Variants in PARM1 observed in about 807,000 individuals in gnomAD.
PARM1 encodes the protein WSC4, cell wall integrity and stress response component 4 homolog.
Under a neutral mutation model 24.6 loss-of-function variants are expected in PARM1, and 14 were observed. The ratio of observed to expected loss-of-function variants is 0.57; its 90% CI spans 0.38 to 0.89. The LOEUF is 0.89. Ranked by LOEUF, PARM1 falls within the 40% of genes least tolerant of loss-of-function variation. The pLI, the probability that PARM1 is intolerant of heterozygous loss-of-function variation, is 0.00. For synonymous variants in PARM1, 179 were observed against 156.6 expected, an observed-to-expected ratio of 1.14 and a Z score of -1.07; for missense variants, 362 against 380.4, an observed-to-expected ratio of 0.95 and a Z score of 0.40.
At chr4:75,012,161 C>T (rs1722882303) in intron 1 of PARM1, among the ~76,000 whole-genome samples, 1 of 152,186 alleles carries the variant, frequency 6.6e-6, no homozygotes. Flanking sequence ...AAGATTAGTT[C>T]ATACCATGCA....
chr4:74,938,215 A>G (rs1249530147), intron 1 of PARM1, among the ~76,000 whole-genome samples: 2 of 152,228 alleles, frequency 1.3e-5, no homozygotes, highest in African/African-American at 4.8e-5. Flanking sequence ...GTCAAATATT[A>G]TACTGTTTAA....
At position 75,013,872 on chromosome 4, in the gene PARM1, A is replaced by T. The variant is rs183908147; in HGVS notation, c.769+722A>T. 5.4e-3 allele frequency among the ~76,000 whole-genome samples: 816 copies of T among 152,332 alleles called. 2 individuals are homozygous for T. Among genetic ancestry groups the T allele is most frequent in the Non-Finnish European group, 9.0e-3 (614 of 68,024 alleles). Reference sequence around the variant, plus strand: ...ATCTTGGAAATTATGGTGGAGAGAAATCAAGGGCCCTTTCTGAGGTCACCT... The same window carrying T: ...ATCTTGGAAATTATGGTGGAGAGAATTCAAGGGCCCTTTCTGAGGTCACCT... On this transcript the variant is annotated intron_variant, in intron 2 of 3. Coordinates refer to ENST00000307428, the MANE Select transcript of PARM1 (RefSeq NM_015393.4).
chr4:74,979,100 C>A (rs1436877575), intron 1 of PARM1, among the ~76,000 whole-genome samples: 1 of 151,506 alleles, frequency 6.6e-6, no homozygotes, highest in African/African-American at 2.4e-5. Context: ...TAAGAAACAA[C>A]CAAGATCAGA....
At chr4:75,014,043 A>C (rs1722931582) in intron 2 of PARM1, among the ~76,000 whole-genome samples, 1 of 152,164 alleles carries the variant, frequency 6.6e-6, no homozygotes, top group South Asian at 2.1e-4. Flanking sequence ...ATGGAGCTGC[A>C]GCCCCTCCCC....
At chr4:74,972,813 C>T (rs1371273868) in intron 1 of PARM1, among the ~76,000 whole-genome samples, 3 of 152,192 alleles carry the variant, frequency 2.0e-5, no homozygotes, top group Non-Finnish European at 1.5e-5. Flanking sequence ...TGTCATCTTG[C>T]TGATGCCTCA....
chr4:75,018,587 CT>C (rs2109798987), intron 2 of PARM1, among the ~76,000 whole-genome samples: 1 of 152,252 alleles, frequency 6.6e-6, no homozygotes, highest in East Asian at 1.9e-4. Context: ...CTCTCAGGTC[CT>C]TTTGGCTTTT....
At chr4:75,020,750 G>A (rs1723075148) in intron 2 of PARM1, among the ~76,000 whole-genome samples, 1 of 152,106 alleles carries the variant, frequency 6.6e-6, no homozygotes, top group Non-Finnish European at 1.5e-5. Context: ...TTCCATGAGC[G>A]CCTGTGTCTC....
intron 1 of PARM1, among the ~76,000 whole-genome samples, chr4:74,937,737 C>T (rs1014712470): frequency 2.0e-5 from 3 of 152,190 alleles, no homozygotes; most frequent in African/African-American, 7.2e-5. Flanking sequence ...TCTCCAAAAG[C>T]AGAGTTTATG....
chr4:74,944,559 G>A (rs1334392601), intron 1 of PARM1, among the ~76,000 whole-genome samples: 3 of 152,032 alleles, frequency 2.0e-5, no homozygotes, highest in Non-Finnish European at 4.4e-5. Flanking sequence ...CTTCTCCCAT[G>A]GGAGTCACCA....
intron 1 of PARM1, among the ~76,000 whole-genome samples, chr4:74,961,069 A>G (rs34185792): frequency 1.3e-5 from 2 of 152,090 alleles, no homozygotes; most frequent in South Asian, 2.1e-4. Flanking sequence ...GAAACAATGT[A>G]TGAACAAAAC....
At chr4:74,935,284 C>T (rs1355808309) in intron 1 of PARM1, among the ~76,000 whole-genome samples, 1 of 152,104 alleles carries the variant, frequency 6.6e-6, no homozygotes, top group Non-Finnish European at 1.5e-5. Context: ...CACTGCATTC[C>T]CCCTGAAGTT....
At chr4:74,938,793 T>C (rs1478209029) in intron 1 of PARM1, among the ~76,000 whole-genome samples, 1 of 152,224 alleles carries the variant, frequency 6.6e-6, no homozygotes, top group African/African-American at 2.4e-5. Flanking sequence ...TCACTTGTTT[T>C]AACATGGCTT....
chr4:75,014,050 C>A (rs562116877), intron 2 of PARM1, among the ~76,000 whole-genome samples: 1 of 152,128 alleles, frequency 6.6e-6, no homozygotes, highest in African/African-American at 2.4e-5. Context: ...TGCAGCCCCT[C>A]CCCTGGGTGG....
intron 1 of PARM1, among the ~76,000 whole-genome samples, chr4:74,933,783 G>C (rs552005964): frequency 1.3e-5 from 2 of 152,300 alleles, no homozygotes; most frequent in South Asian, 2.1e-4. Context: ...CCGGGGAAGT[G>C]GGGGTGGGAG....
intron 1 of PARM1, among the ~76,000 whole-genome samples, chr4:74,946,107 C>A (rs1211548209): frequency 2.0e-5 from 3 of 152,220 alleles, no homozygotes; most frequent in Admixed American, 2.0e-4. Flanking sequence ...TCCTCTCACA[C>A]TCTAGAAAGT....
At chr4:75,017,441 A>G (rs1429503049) in intron 2 of PARM1, among the ~76,000 whole-genome samples, 1 of 151,900 alleles carries the variant, frequency 6.6e-6, no homozygotes, top group Non-Finnish European at 1.5e-5. Flanking sequence ...CATCCCCCCT[A>G]TCTAGAACAT....
chr4:74,945,999 A>G (rs1414065634), intron 1 of PARM1, among the ~76,000 whole-genome samples: 1 of 152,214 alleles, frequency 6.6e-6, no homozygotes, highest in African/African-American at 2.4e-5. Flanking sequence ...CACATTATAG[A>G]TAAAACTAGA....
chr4:74,971,015 A>G (rs1722022688), intron 1 of PARM1, among the ~76,000 whole-genome samples: 1 of 152,248 alleles, frequency 6.6e-6, no homozygotes, highest in African/African-American at 2.4e-5. Flanking sequence ...CAGGAGACCT[A>G]AGGACTGAGA....
At chr4:75,014,768 C>G (rs1722949625) in intron 2 of PARM1, among the ~76,000 whole-genome samples, 1 of 152,162 alleles carries the variant, frequency 6.6e-6, no homozygotes, top group African/African-American at 2.4e-5. Flanking sequence ...AATCTATTGA[C>G]TCCTCTGTGC....
Sources: gnomAD v4.1 joint callset for allele counts (sites outside exome capture counted in the v4.1 genomes callset) on GRCh38, gnomAD v4.1.1 for gene constraint, MANE v1.5 for transcripts, NCBI Gene and HGNC (gene_info 2026-07-23, HGNC 2026-07-21) for gene names.